The following ITGA9 variants were observed in gnomAD, a reference collection of about 807,000 sequenced individuals.
The protein encoded by ITGA9 is integrin alpha-9.
A neutral mutation model predicts 127.8 loss-of-function variants in ITGA9; 56 were observed. The observed-to-expected ratio is 0.44, with a 90% CI of 0.35 to 0.55. The LOEUF is 0.55. Ranked by LOEUF, ITGA9 falls within the 20% of genes least tolerant of loss-of-function variation. The pLI, the probability that ITGA9 is intolerant of heterozygous loss-of-function variation, is 0.00. For synonymous variants in ITGA9, 508 were observed against 514.5 expected (o/e 0.99, Z 0.17); for missense variants, 1,196 against 1,347.1 (o/e 0.89, Z 1.76).
At chr3:37,775,268 C>A (rs1042203852) in intron 23 of ITGA9, among the ~76,000 whole-genome samples, 1 of 152,168 alleles carries the variant, frequency 6.6e-6, no homozygotes, top group African/African-American at 2.4e-5. Flanking sequence ...GTGAAAAACT[C>A]AGTATCACTG....
chr3:37,507,924 A>G (rs889802343), intron 7 of ITGA9, among the ~76,000 whole-genome samples: 10 of 152,274 alleles, frequency 6.6e-5, no homozygotes, highest in Admixed American at 6.5e-5. Context: ...TTAGGAAGTT[A>G]AATGTCAGTG....
At chr3:37,520,457 G>A (rs1171529963) in intron 11 of ITGA9, among the ~76,000 whole-genome samples, 2 of 152,180 alleles carry the variant, frequency 1.3e-5, no homozygotes, top group African/African-American at 4.8e-5. Flanking sequence ...ATAAGTGGCA[G>A]TATGGCCACA....
intron 1 of ITGA9, among the ~76,000 whole-genome samples, chr3:37,454,863 G>C (rs1698239503): frequency 6.6e-6 from 1 of 151,988 alleles, no homozygotes; most frequent in Non-Finnish European, 1.5e-5. Flanking sequence ...ATGTATGCTT[G>C]AATGTGTTTT....
chr3:37,619,667 T>A (rs901012352), intron 15 of ITGA9, among the ~76,000 whole-genome samples: 2 of 152,170 alleles, frequency 1.3e-5, no homozygotes, highest in Non-Finnish European at 2.9e-5. Flanking sequence ...ACAGTTTTTG[T>A]CAGTTAGGAG....
chr3:37,552,696 C>T (rs148369035), intron 15 of ITGA9, among the ~76,000 whole-genome samples: 2,741 of 152,316 alleles, frequency 0.018, 44 homozygotes, highest in Non-Finnish European at 0.025. Flanking sequence ...GTATGTTACA[C>T]ACACACACGT....
Position 37,786,220 on chromosome 3 carries a change from T to C in ITGA9, c.2889+1142T>C, listed in dbSNP as rs1034849995. 2.0e-5 allele frequency among the ~76,000 whole-genome samples: 3 copies of C among 152,226 alleles called. No individual in the cohort carries two copies. The South Asian group carries it at 6.2e-4, about 32-fold the overall frequency. On this transcript the variant is annotated intron_variant, in intron 26 of 27. Coordinates refer to ENST00000264741, the MANE Select transcript of ITGA9 (RefSeq NM_002207.3). The stretch of plus-strand genomic sequence containing the variant: ...GACACATTTACAAAAGTGATAAGTT[T>C]ATAATGATTTTGTGCTTAGAAACTG...
intron 27 of ITGA9, among the ~76,000 whole-genome samples, chr3:37,815,787 C>T (rs750130323): frequency 6.6e-6 from 1 of 152,150 alleles, no homozygotes; most frequent in Non-Finnish European, 1.5e-5. Flanking sequence ...GGCTTAAAAG[C>T]AATATCCATC....
intron 1 of ITGA9, among the ~76,000 whole-genome samples, chr3:37,462,099 A>G (rs1415773122): frequency 6.6e-6 from 1 of 152,202 alleles, no homozygotes; most frequent in African/African-American, 2.4e-5. Flanking sequence ...TTTAGTGTTC[A>G]CTTGCTGCTT....
intron 15 of ITGA9, among the ~76,000 whole-genome samples, chr3:37,600,450 T>C (rs1699911876): frequency 6.6e-6 from 1 of 152,172 alleles, no homozygotes; most frequent in Non-Finnish European, 1.5e-5. Context: ...GCCTCTTCCC[T>C]AGCCCCACAC....
At chr3:37,483,001 T>C (rs1698571965) in intron 4 of ITGA9, among the ~76,000 whole-genome samples, 1 of 152,190 alleles carries the variant, frequency 6.6e-6, no homozygotes, top group Admixed American at 6.5e-5. Context: ...GGGTTTCCAC[T>C]GCCCCAGTTT....
intron 4 of ITGA9, among the ~76,000 whole-genome samples, chr3:37,486,321 T>A (rs531803520): frequency 6.6e-6 from 1 of 152,344 alleles, no homozygotes; most frequent in East Asian, 1.9e-4. Context: ...AATTGTGGAA[T>A]CTGGCTTTAC....
chr3:37,573,924 A>G (rs1699626850), intron 15 of ITGA9, among the ~76,000 whole-genome samples: 1 of 152,122 alleles, frequency 6.6e-6, no homozygotes. Context: ...GCACCAATCT[A>G]ATGGCTCTTC....
At position 37,701,751 on chromosome 3, in the gene ITGA9, C is replaced by G. The variant is rs1264128515; in HGVS notation, c.2067+17736C>G. On this transcript the variant is annotated intron_variant, in intron 18 of 27. Transcript: ENST00000264741. Reference sequence around the variant, plus strand: ...TCTGCGACAACCTGTGACCACCTCACAGACAAGGTGACTTCTGGCTTCTCA... The same window carrying G: ...TCTGCGACAACCTGTGACCACCTCAGAGACAAGGTGACTTCTGGCTTCTCA... Among the ~76,000 whole-genome samples, 3 of 152,238 alleles carry G rather than the reference C, an allele frequency of 2.0e-5. No individual in the cohort carries two copies. In the South Asian group the frequency reaches 6.2e-4, roughly 32 times the overall value.
intron 8 of ITGA9, among the ~76,000 whole-genome samples, chr3:37,512,120 C>CTTTCTTTTCTTTTCTTTTCTTTTCT (rs1176263183): frequency 1.1e-3 from 42 of 39,462 alleles, no homozygotes; most frequent in Non-Finnish European, 1.7e-3. Flanking sequence ...TTCCTTCCTT[C>CTTTCTTTTCTTTTCTTTTCTTTTCT]TTTCTTTTCT....
chr3:37,721,196 A>G (rs1575207969), intron 18 of ITGA9, among the ~76,000 whole-genome samples: 1 of 138,482 alleles, frequency 7.2e-6, no homozygotes, highest in African/African-American at 2.8e-5. Flanking sequence ...ATCATATCTC[A>G]CTGCAACCTT....
At chr3:37,754,262 C>G (rs907741037) in intron 23 of ITGA9, among the ~76,000 whole-genome samples, 2 of 152,192 alleles carry the variant, frequency 1.3e-5, no homozygotes, top group Non-Finnish European at 2.9e-5. Flanking sequence ...GGAGCTTTAT[C>G]TCAGACTGCA....
chr3:37,509,096 A>G (rs1698875265), intron 8 of ITGA9, among the ~76,000 whole-genome samples: 2 of 152,144 alleles, frequency 1.3e-5, no homozygotes, highest in Admixed American at 6.5e-5. Context: ...GACTGTTGCC[A>G]CACAAAGAAA....
chr3:37,756,172 C>T (rs1365539822), intron 23 of ITGA9, among the ~76,000 whole-genome samples: 1 of 136,642 alleles, frequency 7.3e-6, no homozygotes, highest in Middle Eastern at 4.0e-3. Context: ...AAAAAAAAGG[C>T]AAATATTAAC....
At chr3:37,698,970 C>T (rs1346336534) in intron 18 of ITGA9, among the ~76,000 whole-genome samples, 1 of 152,178 alleles carries the variant, frequency 6.6e-6, no homozygotes, top group Admixed American at 6.5e-5. Flanking sequence ...TTATTTTAGC[C>T]TGTTCAAGTC....
Sources: allele counts gnomAD v4.1 joint callset (sites outside exome capture counted in the v4.1 genomes callset), GRCh38; gene constraint gnomAD v4.1.1; transcripts MANE v1.5; gene names NCBI Gene and HGNC (gene_info 2026-07-23, HGNC 2026-07-21).